Variants in TMEM161A observed in about 807,000 individuals in gnomAD.
TMEM161A encodes the protein transmembrane protein 161A, also known as adaptive response to oxidative stress protein 29.
A neutral mutation model predicts 57.1 loss-of-function variants in TMEM161A; 46 were observed. That is an observed-to-expected ratio of 0.81 (90% CI 0.64 to 1.03). The LOEUF (loss-of-function observed/expected upper bound fraction) is 1.03. Among genes scored for constraint, TMEM161A ranks in the 50% least tolerant of loss-of-function variants. The pLI, the probability that TMEM161A is intolerant of heterozygous loss-of-function variation, is 0.00. For missense variants in TMEM161A, 601 were observed against 621.5 expected (o/e 0.97, Z 0.35); for synonymous variants, 288 against 279.0 (o/e 1.03, Z -0.32).
intron 5 of TMEM161A, among the ~76,000 whole-genome samples, chr19:19,130,679 G>A (rs2059954255): frequency 6.6e-6 from 1 of 152,246 alleles, no homozygotes; most frequent in South Asian, 2.1e-4. Flanking sequence ...GCTCATGCCT[G>A]TAATCCCAGC....
chr19:19,121,723 C>T lies in TMEM161A; in HGVS notation c.656+36G>A, dbSNP rs2146326464. 1 of 1,613,574 alleles carries T rather than the reference C, an allele frequency of 6.2e-7. No homozygotes were observed. The highest frequency in any genetic ancestry group is 1.7e-5 in the Admixed American group (1 of 60,000). ...TGGGGGACCCTGGGAGGGTCCCAGCCTGCCCTTGCCTCCCTCCCCCATTCC... is the reference window on the plus strand; with the variant it reads ...TGGGGGACCCTGGGAGGGTCCCAGCTTGCCCTTGCCTCCCTCCCCCATTCC... On this transcript the variant is annotated intron_variant, in intron 7 of 11. Transcript: ENST00000162044. The surrounding 1 kb of genome is among the most constrained non-coding windows in gnomAD (Gnocchi z 5.8).
At position 19,138,451 on chromosome 19, in the gene TMEM161A, A is replaced by G. The variant is rs755778120; in HGVS notation, c.-23T>C. On this transcript the variant is annotated 5_prime_UTR_variant, in exon 1 of 12. Transcript: ENST00000162044. Reference sequence around the variant, plus strand: ...CATGACGCGTGCGAGAACGCGGTGCACTCACCCACCGGCCTAGGGCTCCGG... The same window carrying G: ...CATGACGCGTGCGAGAACGCGGTGCGCTCACCCACCGGCCTAGGGCTCCGG... 13 of 1,598,354 alleles carry G rather than the reference A, an allele frequency of 8.1e-6. No individual in the cohort carries two copies. The highest frequency in any genetic ancestry group is 6.8e-5 in the South Asian group (6 of 88,604).
rs757565011 is a variant in TMEM161A at position 19,121,828 on chromosome 19, G to A, written c.596-9C>T. Reference sequence around the variant, plus strand: ...GGTCATGCTGGCCAGACCTGGGGACGATAAGAAGAGGACCGAGTAGAGTGA... The same window carrying A: ...GGTCATGCTGGCCAGACCTGGGGACAATAAGAAGAGGACCGAGTAGAGTGA... On this transcript the variant is annotated splice_polypyrimidine_tract_variant and intron_variant, in intron 6 of 11. Transcript: ENST00000162044. The surrounding 1 kb of genome is among the most constrained non-coding windows in gnomAD (Gnocchi z 5.8). The A allele has an allele frequency of 2.5e-6, 4 of 1,613,566 alleles. No individual in the cohort carries two copies. Among genetic ancestry groups the A allele is most frequent in the South Asian group, 1.1e-5 (1 of 91,068 alleles).
chr19:19,123,746 C>T (rs2059920191), intron 6 of TMEM161A, among the ~76,000 whole-genome samples: 2 of 152,064 alleles, frequency 1.3e-5, no homozygotes, highest in Non-Finnish European at 2.9e-5. Flanking sequence ...ATACTACTAC[C>T]AGCCAAACTA....
Position 19,138,475 on chromosome 19 carries a change from G to A in TMEM161A, c.-47C>T. On this transcript the variant is annotated 5_prime_UTR_variant, in exon 1 of 12. Coordinates refer to ENST00000162044, the MANE Select transcript of TMEM161A (RefSeq NM_017814.3). The stretch of plus-strand genomic sequence containing the variant: ...CACTCACCCACCGGCCTAGGGCTCC[G>A]GGCACTCTGCGGAAACTCGACCAAT... 1 of 1,579,612 alleles carries A rather than the reference G, an allele frequency of 6.3e-7. No individual in the cohort carries two copies. Among genetic ancestry groups the A allele is most frequent in the Non-Finnish European group, 8.6e-7 (1 of 1,163,974 alleles).
Position 19,138,457 on chromosome 19 carries a change from C to T in TMEM161A, c.-29G>A, listed in dbSNP as rs1244953861. ...GCGTGCGAGAACGCGGTGCACTCAC[C>T]CACCGGCCTAGGGCTCCGGGCACTC... On this transcript the variant is annotated 5_prime_UTR_variant, in exon 1 of 12. Coordinates refer to ENST00000162044, the MANE Select transcript of TMEM161A (RefSeq NM_017814.3). 8 of 1,595,288 alleles carry T rather than the reference C, an allele frequency of 5.0e-6. No homozygotes were observed. The highest frequency in any genetic ancestry group is 5.1e-6 in the Non-Finnish European group (6 of 1,171,434).
At chr19:19,137,494 T>C (rs1371529580) in intron 1 of TMEM161A, among the ~76,000 whole-genome samples, 1 of 152,204 alleles carries the variant, frequency 6.6e-6, no homozygotes, top group African/African-American at 2.4e-5. Context: ...TTCTGGAGTC[T>C]TCCATCAGCT....
At position 19,121,078 on chromosome 19, in the gene TMEM161A, G is replaced by A; in HGVS notation, c.1003C>T (p.Gln335Ter). The change falls in exon 10 of 12, where the codon CAG becomes TAG. Residue 335 changes from glutamine to a stop codon, truncating the protein, a stop_gained. Coordinates refer to ENST00000162044, the MANE Select transcript of TMEM161A (RefSeq NM_017814.3). LOFTEE classifies it high-confidence loss of function. The surrounding 1 kb of genome is among the most constrained non-coding windows in gnomAD (Gnocchi z 5.8). ...GCCTTGGCCAGGCACAGGTAGGCCT[G>A]CAGGTGGGGCCGGGTCACCGCCAGC... ...LRLAVTRPHL[Q>*]AYLCLAKARV... The A allele has an allele frequency of 1.2e-6, 2 of 1,611,908 alleles. No homozygotes were observed. Among genetic ancestry groups the A allele is most frequent in the African/African-American group, 2.7e-5 (2 of 75,046 alleles).
intron 1 of TMEM161A, among the ~76,000 whole-genome samples, chr19:19,136,860 A>G (rs1277047090): frequency 1.3e-5 from 2 of 151,766 alleles, no homozygotes; most frequent in Non-Finnish European, 2.9e-5. Context: ...GCACTTAGGG[A>G]CCATGAGTGC....
intron 6 of TMEM161A, among the ~76,000 whole-genome samples, chr19:19,127,316 CTTTT>C (rs151128285): frequency 5.5e-5 from 4 of 73,280 alleles, no homozygotes; most frequent in East Asian, 4.6e-4. Context: ...AGTGTTCAGT[CTTTT>C]TTTTTTTTTT....
At chr19:19,129,801 A>G (rs1198611423) in intron 6 of TMEM161A, among the ~76,000 whole-genome samples, 1 of 152,008 alleles carries the variant, frequency 6.6e-6, no homozygotes, top group Non-Finnish European at 1.5e-5. Flanking sequence ...CCAGCTTGGG[A>G]GGCTGAGGCA....
chr19:19,120,371 A>C (rs1599701804), intron 11 of TMEM161A, among the ~76,000 whole-genome samples, 188 bp from the exon 12 acceptor site: 18 of 137,324 alleles, frequency 1.3e-4, no homozygotes, highest in South Asian at 2.3e-4. Flanking sequence ...CCCAGGCCCC[A>C]CCTCCTGCTC....
chr19:19,120,652 C>A, intron 11 of TMEM161A, 113 bp downstream of exon 11: 1 of 969,832 alleles, frequency 1.0e-6, no homozygotes, highest in Non-Finnish European at 1.6e-6. Flanking sequence ...GTCTCCGCCC[C>A]CTGCCTAGGC....
intron 5 of TMEM161A, among the ~76,000 whole-genome samples, chr19:19,131,491 C>CAT (rs1292444441): frequency 1.8e-3 from 193 of 104,494 alleles, no homozygotes; most frequent in Admixed American, 3.9e-3. Flanking sequence ...TACACACACA[C>CAT]ACATATATAT....
At chr19:19,130,345 C>G (rs373781160) in intron 5 of TMEM161A, 38 bp from the exon 6 acceptor site, 1 of 1,607,414 alleles carries the variant, frequency 6.2e-7, no homozygotes, top group African/African-American at 1.3e-5. Context: ...GGTGCCACTG[C>G]CCCACTCTGC....
chr19:19,121,320 G>C lies in TMEM161A; in HGVS notation c.902C>G (p.Thr301Arg), dbSNP rs777477636. 9.6e-6 allele frequency: 15 copies of C among 1,568,482 alleles called. No individual in the cohort carries two copies. Among genetic ancestry groups the C allele is most frequent in the Non-Finnish European group, 1.3e-5 (15 of 1,156,886 alleles). ...ACCCAATACGCACAGGGAGAAACGCGTCTCCCCAAACGGCGGCTGGTGCAG... is the reference window on the plus strand; with the variant it reads ...ACCCAATACGCACAGGGAGAAACGCCTCTCCCCAAACGGCGGCTGGTGCAG... The part of the protein sequence containing the change: ...DFLHQPPFGE[T>R]RFSLLSDSAF... Residue 301 changes from threonine (T) to arginine (R), a missense_variant, in exon 9 of 12, where the codon ACG becomes AGG. Physicochemically the swap from Thr to Arg is moderately conservative, Grantham distance 71 (BLOSUM62 -1). Transcript: ENST00000162044. This position sits in a 1 kb window ranked among gnomAD's most constrained non-coding sequence, Gnocchi z 5.8.
At chr19:19,125,395 G>A (rs1350259755) in intron 6 of TMEM161A, among the ~76,000 whole-genome samples, 1 of 152,134 alleles carries the variant, frequency 6.6e-6, no homozygotes, top group Non-Finnish European at 1.5e-5. Flanking sequence ...TTGTCGCCCA[G>A]GCTAGAGTGC....
chr19:19,125,717 G>A (rs1000565023), intron 6 of TMEM161A, among the ~76,000 whole-genome samples: 3 of 151,524 alleles, frequency 2.0e-5, no homozygotes, highest in East Asian at 2.0e-4. Context: ...GGGGTTTCAC[G>A]GTGTTAGCCA....
rs979039302 is a variant in TMEM161A at position 19,132,582 on chromosome 19, C to T, written c.287-74G>A. 3.2e-6 allele frequency: 5 copies of T among 1,575,042 alleles called. No individual in the cohort carries two copies. In the African/African-American group the frequency reaches 6.7e-5, roughly 21 times the overall value. On this transcript the variant is annotated intron_variant, in intron 4 of 11. Coordinates refer to ENST00000162044, the MANE Select transcript of TMEM161A (RefSeq NM_017814.3). This position sits in a 1 kb window ranked among gnomAD's most constrained non-coding sequence, Gnocchi z 4.3. ...TAATAGAACATTCTTCCTTCAAATC[C>T]TCCCCACCCCCATGAGGGTGTGGAG...
Sources: allele counts gnomAD v4.1 joint callset (sites outside exome capture counted in the v4.1 genomes callset), GRCh38; gene constraint gnomAD v4.1.1; non-coding constraint Gnocchi (gnomAD v3.1); transcripts MANE v1.5; gene names NCBI Gene and HGNC (gene_info 2026-07-23, HGNC 2026-07-21).